Variants in TTF2 observed in about 807,000 individuals in gnomAD.
TTF2 encodes transcription termination factor 2.
A neutral mutation model predicts 142.4 loss-of-function variants in TTF2; 108 were observed. The observed-to-expected ratio is 0.76, with a 90% confidence interval of 0.65 to 0.89. TTF2 has a LOEUF of 0.89. Ranked by LOEUF, TTF2 falls within the 40% of genes least tolerant of loss-of-function variation. The pLI, the probability that TTF2 is intolerant of heterozygous loss-of-function variation, is 0.00. For missense variants in TTF2, 1,327 were observed against 1,379.8 expected, an observed-to-expected ratio of 0.96 and a Z score of 0.61; for synonymous variants, 483 against 506.2, an observed-to-expected ratio of 0.95 and a Z score of 0.61.
intron 8 of TTF2, among the ~76,000 whole-genome samples, chr1:117,078,641 TGTTACTGAGTAG>T (rs1291453147): frequency 2.0e-5 from 3 of 152,212 alleles, no homozygotes; most frequent in Admixed American, 2.0e-4. Context: ...TAGCAGGTGA[TGTTACTGAGTAG>T]GAGCCTGGCA....
rs1648353597 is a variant in TTF2, at chr1:117,089,275, T to TATATATATATATATATGC, written c.2342+295_2342+296insATATATATATATATGCAT. ...CAAATATATGCTATATATATATATA[T>TATATATATATATATATGC]ATGCAAAAATTATTCTTAAGTCCAG... On this transcript the variant is annotated intron_variant, in intron 13 of 22. Coordinates refer to ENST00000369466, the MANE Select transcript of TTF2 (RefSeq NM_003594.4). 2.6e-5 allele frequency among the ~76,000 whole-genome samples: 4 copies of TATATATATATATATATGC among 150,944 alleles called. No homozygotes were observed. The South Asian group carries it at 8.4e-4, about 32-fold the overall frequency.
In TTF2 at chr1:117,097,065, A is replaced by G. The variant is rs1649216400; in HGVS notation, c.3187-286A>G. 6.6e-6 allele frequency among the ~76,000 whole-genome samples: 1 copy of G among 152,184 alleles called. No homozygotes were observed. Among genetic ancestry groups the G allele is most frequent in the African/African-American group, 2.4e-5 (1 of 41,442 alleles). ...GGTTAATTGAAAGTTTATTGAGCTG[A>G]CCATCCCCAGGGTTCTAAATTACAG... On this transcript the variant is annotated intron_variant, in intron 20 of 22. Coordinates refer to ENST00000369466, the MANE Select transcript of TTF2 (RefSeq NM_003594.4). The surrounding 1 kb of genome is among the most constrained non-coding windows in gnomAD (Gnocchi z 4.1).
At position 117,092,808 on chromosome 1, in the gene TTF2, A is replaced by G; in HGVS notation, c.2883A>G (p.Ser961=). 1 of 1,614,220 alleles carries G rather than the reference A, an allele frequency of 6.2e-7. No individual in the cohort carries two copies. The highest frequency in any genetic ancestry group is 8.5e-7 in the Non-Finnish European group (1 of 1,180,040). ...AACAGCTCAGTGCTTTGACCTTGTC[A>G]GAACTCCGTGACTCAGAGCCATCTT... ...LEEQLSALTL[S]ELRDSEPSST... is the part of the protein sequence containing the mutation. Residue 961 remains serine, a synonymous_variant, in exon 18 of 23, where the codon TCA becomes TCG. Transcript: ENST00000369466. The surrounding 1 kb of genome is among the most constrained non-coding windows in gnomAD (Gnocchi z 4.4).
At chr1:117,083,647 CCT>C (rs1341882695) in intron 10 of TTF2, among the ~76,000 whole-genome samples, 1 of 152,158 alleles carries the variant, frequency 6.6e-6, no homozygotes, top group African/African-American at 2.4e-5. Context: ...CCCTGTTTAG[CCT>C]CTCTTTCTGC....
In TTF2 at chr1:117,085,125, T is replaced by C. The variant is rs533919269; in HGVS notation, c.2054+957T>C. ...TGATTTGTACTTTGAGCCTAACTTGTTTGGTATTTAGAATGTACTAGTTGA... is the reference window on the plus strand; with the variant it reads ...TGATTTGTACTTTGAGCCTAACTTGCTTGGTATTTAGAATGTACTAGTTGA... On this transcript the variant is annotated intron_variant, in intron 11 of 22. Coordinates refer to ENST00000369466, the MANE Select transcript of TTF2 (RefSeq NM_003594.4). The surrounding 1 kb of genome is among the most constrained non-coding windows in gnomAD (Gnocchi z 4.7). Among the ~76,000 whole-genome samples, 2 of 152,342 alleles carry C rather than the reference T, an allele frequency of 1.3e-5. No individual in the cohort carries two copies. The highest frequency in any genetic ancestry group is 3.9e-4 in the East Asian group (2 of 5,188).
At position 117,093,824 on chromosome 1, in the gene TTF2, A is replaced by G. The variant is rs759631998; in HGVS notation, c.2976+923A>G. ...TTAAATGCAGGTAATATTTATTCAC[A>G]AGTTTTCTTAACATATGTCCATTAA... is the stretch of plus-strand genomic sequence containing the variant. On this transcript the variant is annotated intron_variant, in intron 18 of 22. Transcript: ENST00000369466. The surrounding 1 kb of genome is among the most constrained non-coding windows in gnomAD (Gnocchi z 4.5). 6.6e-6 allele frequency among the ~76,000 whole-genome samples: 1 copy of G among 152,206 alleles called. No individual in the cohort carries two copies. The highest frequency in any genetic ancestry group is 2.4e-5 in the African/African-American group (1 of 41,450).
In TTF2 at chr1:117,092,991, C is replaced by T; in HGVS notation, c.2976+90C>T. On this transcript the variant is annotated intron_variant, in intron 18 of 22. Transcript: ENST00000369466. This position sits in a 1 kb window ranked among gnomAD's most constrained non-coding sequence, Gnocchi z 4.4. ...AGCACTTCATTTGTCCAAGTGGGAA[C>T]AGCCATTTGCCAGCAGAGCTAGAGC... 2 of 1,461,420 alleles carry T rather than the reference C, an allele frequency of 1.4e-6. No homozygotes were observed. The highest frequency in any genetic ancestry group is 9.4e-7 in the Non-Finnish European group (1 of 1,062,936). 90.5% of individuals were successfully genotyped at this position (1,461,420 alleles called of 1,614,324 possible).
chr1:117,101,249 A>C lies in TTF2; in HGVS notation c.3345-131A>C, dbSNP rs190990315. On this transcript the variant is annotated intron_variant, in intron 22 of 22. Coordinates refer to ENST00000369466, the MANE Select transcript of TTF2 (RefSeq NM_003594.4). The surrounding 1 kb of genome is among the most constrained non-coding windows in gnomAD (Gnocchi z 5.9). Reference sequence around the variant, plus strand: ...TTTGGATTCCTCAGACAGGGTTCTTAACTGGACCTAAGAAGACTTAAAGGA... The same window carrying C: ...TTTGGATTCCTCAGACAGGGTTCTTCACTGGACCTAAGAAGACTTAAAGGA... 5.3e-6 allele frequency: 5 copies of C among 944,848 alleles called. No homozygotes were observed. The East Asian group carries it at 1.3e-4, about 25-fold the overall frequency. The allele number at this position is 944,848 out of a possible 1,614,324, so 58.5% of individuals were successfully genotyped here.
In TTF2 at chr1:117,097,744, T is replaced by C. The variant is rs1649281170; in HGVS notation, c.3269+311T>C. On this transcript the variant is annotated intron_variant, in intron 21 of 22. Coordinates refer to ENST00000369466, the MANE Select transcript of TTF2 (RefSeq NM_003594.4). The surrounding 1 kb of genome is among the most constrained non-coding windows in gnomAD (Gnocchi z 4.1). ...ATGGCTAAGAGTTAACCTTGCTCAGTTTTACCTCTTCTCCAGAATACTGTA... is the reference window on the plus strand; with the variant it reads ...ATGGCTAAGAGTTAACCTTGCTCAGCTTTACCTCTTCTCCAGAATACTGTA... Among the ~76,000 whole-genome samples, 1 of 152,190 alleles carries C rather than the reference T, an allele frequency of 6.6e-6. No homozygotes were observed. The highest frequency in any genetic ancestry group is 2.1e-4 in the South Asian group (1 of 4,826).
rs12086157 is a variant in TTF2 at position 117,073,091 on chromosome 1, C to T, written c.219-570C>T. Among the ~76,000 whole-genome samples the T allele has an allele frequency of 5.3e-5, 8 of 152,130 alleles. No individual in the cohort carries two copies. The highest frequency in any genetic ancestry group is 1.7e-4 in the African/African-American group (7 of 41,430). On this transcript the variant is annotated intron_variant, in intron 3 of 22. Coordinates refer to ENST00000369466, the MANE Select transcript of TTF2 (RefSeq NM_003594.4). This position sits in a 1 kb window ranked among gnomAD's most constrained non-coding sequence, Gnocchi z 4.4. ...TTTCCCTTCATCTTTTTTTCTCCCT[C>T]GTAACTTATTTGTGGAAGGGATCAG... is the stretch of plus-strand genomic sequence containing the variant.
chr1:117,084,414 AGCTGCC>A, intron 11 of TTF2, among the ~76,000 whole-genome samples: 1 of 152,316 alleles, frequency 6.6e-6, no homozygotes, highest in Non-Finnish European at 1.5e-5. Context: ...GAGATGCCGG[AGCTGCC>A]ATTCAGGTGA....
intron 10 of TTF2, 23 bp from the exon 11 acceptor site, chr1:117,083,995 A>G: frequency 6.2e-7 from 1 of 1,613,352 alleles, no homozygotes; most frequent in Non-Finnish European, 8.5e-7. Flanking sequence ...GTAACTAGGC[A>G]CTGATTTTTT....
Position 117,086,314 on chromosome 1 carries a change from G to A in TTF2, c.2055-103G>A. 1 of 740,700 alleles carries A rather than the reference G, an allele frequency of 1.4e-6. No homozygotes were observed. The highest frequency in any genetic ancestry group is 2.6e-5 in the East Asian group (1 of 38,548). The allele number at this position is 740,700 out of a possible 1,614,324, so 45.9% of individuals were successfully genotyped here. A position where few individuals can be genotyped will look rare whatever the true frequency, so the allele number is the denominator to read the frequency against. ...CACAAGTTAATGAGTTCTGCTGTTTGTCCTTCCATTTGTAGGCATTTTTAT... is the reference window on the plus strand; with the variant it reads ...CACAAGTTAATGAGTTCTGCTGTTTATCCTTCCATTTGTAGGCATTTTTAT... On this transcript the variant is annotated intron_variant, in intron 11 of 22. Transcript: ENST00000369466. This position sits in a 1 kb window ranked among gnomAD's most constrained non-coding sequence, Gnocchi z 4.2.
chr1:117,081,106 T>C (rs973382701), intron 9 of TTF2, among the ~76,000 whole-genome samples: 11 of 152,218 alleles, frequency 7.2e-5, no homozygotes, highest in Non-Finnish European at 1.3e-4. Context: ...GAGGCAACCT[T>C]GTAAGCAGGC....
At position 117,092,956 on chromosome 1, in the gene TTF2, C is replaced by G; in HGVS notation, c.2976+55C>G. 1 of 1,588,120 alleles carries G rather than the reference C, an allele frequency of 6.3e-7. No homozygotes were observed. Among genetic ancestry groups the G allele is most frequent in the Non-Finnish European group, 8.6e-7 (1 of 1,160,996 alleles). The stretch of plus-strand genomic sequence containing the variant: ...GAGACTTCGATTCCTCACACATTTT[C>G]CTGTGTGACAGCACTTCATTTGTCC... On this transcript the variant is annotated intron_variant, in intron 18 of 22. Transcript: ENST00000369466. The surrounding 1 kb of genome is among the most constrained non-coding windows in gnomAD (Gnocchi z 4.4).
intron 4 of TTF2, among the ~76,000 whole-genome samples, chr1:117,074,296 C>A (rs1391281893): frequency 1.3e-5 from 2 of 152,180 alleles, no homozygotes; most frequent in Non-Finnish European, 2.9e-5. Context: ...GGGAAAAGTT[C>A]ATCTTAAGAG....
intron 3 of TTF2, among the ~76,000 whole-genome samples, chr1:117,071,628 CAA>C (rs59054307): frequency 0.49 from 74,158 of 151,842 alleles, 20,690 homozygotes; most frequent in East Asian, 0.74. Flanking sequence ...TTTCAGCAGA[CAA>C]AATATATATT....
At position 117,105,431 on chromosome 1, in the gene TTF2, T is replaced by C. The variant is rs552665931; in HGVS notation, c.*3907T>C. 1.3e-4 allele frequency: 20 copies of C among 152,356 alleles called. No individual in the cohort carries two copies. The highest frequency in any genetic ancestry group is 4.6e-4 in the African/African-American group (19 of 41,552). 9.4% of individuals were successfully genotyped at this position (152,356 alleles called of 1,614,324 possible). On this transcript the variant is annotated 3_prime_UTR_variant, in exon 23 of 23. Transcript: ENST00000369466. The surrounding 1 kb of genome is among the most constrained non-coding windows in gnomAD (Gnocchi z 4.7). ...TTAAAAACCTTGTCAGTGACTCCCA[T>C]TGCAGGCCCAGCGCAGTGGTTCACA...
chr1:117,071,537 G>A (rs573680106), intron 3 of TTF2, among the ~76,000 whole-genome samples: 2 of 152,296 alleles, frequency 1.3e-5, no homozygotes, highest in South Asian at 4.1e-4. Context: ...TACATGTTGG[G>A]AGAGAAGTGA....
Sources: allele counts gnomAD v4.1 joint callset (sites outside exome capture counted in the v4.1 genomes callset), GRCh38; gene constraint gnomAD v4.1.1; non-coding constraint Gnocchi (gnomAD v3.1); transcripts MANE v1.5; gene names NCBI Gene and HGNC (gene_info 2026-07-23, HGNC 2026-07-21).